Variants in ENPEP observed in about 807,000 individuals in gnomAD.
ENPEP encodes the protein AP-A.
A neutral mutation model predicts 114.5 loss-of-function variants in ENPEP; 103 were observed. The observed-to-expected ratio is 0.90, with a 90% CI of 0.77 to 1.06. ENPEP has a LOEUF of 1.06. Among genes scored for constraint, ENPEP ranks in the 50% least tolerant of loss-of-function variants. The pLI, the probability that ENPEP is intolerant of heterozygous loss-of-function variation, is 0.00. For synonymous variants in ENPEP, 420 were observed against 422.0 expected (o/e 1.00, Z 0.06); for missense variants, 1,196 against 1,161.3 (o/e 1.03, Z -0.43).
At chr4:110,541,655 C>G (rs1000533037) in intron 11 of ENPEP, among the ~76,000 whole-genome samples, 2 of 152,052 alleles carry the variant, frequency 1.3e-5, no homozygotes, top group African/African-American at 4.8e-5. Flanking sequence ...AAACTCTTTT[C>G]CCCTCTCATA....
At position 110,563,921 on chromosome 4, in the gene ENPEP, T is replaced by C. The variant is rs1727752617; in HGVS notation, c.*2363T>C. 6.6e-6 allele frequency: 1 copy of C among 152,144 alleles called. No individual in the cohort carries two copies. Among genetic ancestry groups the C allele is most frequent in the Non-Finnish European group, 1.5e-5 (1 of 68,024 alleles). The allele number at this position is 152,144 out of a possible 1,614,324, so 9.4% of individuals were successfully genotyped here. On this transcript the variant is annotated 3_prime_UTR_variant, in exon 20 of 20. Transcript: ENST00000265162. Reference sequence around the variant, plus strand: ...TGAAGGTAATGATACTCCTACAGCTTACCCTCCAAGTTGGTGAAGTGTTAG... The same window carrying C: ...TGAAGGTAATGATACTCCTACAGCTCACCCTCCAAGTTGGTGAAGTGTTAG...
At chr4:110,543,145 C>A in intron 13 of ENPEP, 75 bp downstream of exon 13, 5 of 1,326,926 alleles carry the variant, frequency 3.8e-6, no homozygotes, top group Non-Finnish European at 3.2e-6. Context: ...ATGAATTAAA[C>A]ATTGCAGTAT....
intron 18 of ENPEP, among the ~76,000 whole-genome samples, chr4:110,555,696 C>G (rs558871062): frequency 6.6e-6 from 1 of 152,002 alleles, no homozygotes; most frequent in South Asian, 2.1e-4. Context: ...TGATTGAAAC[C>G]CTTCAAATAC....
chr4:110,551,567 A>G (rs575056131), intron 17 of ENPEP, among the ~76,000 whole-genome samples: 1 of 152,250 alleles, frequency 6.6e-6, no homozygotes, highest in South Asian at 2.1e-4. Context: ...TGTGATTGAT[A>G]TGTTGTATTT....
At chr4:110,507,990 TTTAATA>T (rs1206036068) in intron 4 of ENPEP, among the ~76,000 whole-genome samples, 1 of 152,108 alleles carries the variant, frequency 6.6e-6, no homozygotes, top group East Asian at 1.9e-4. Context: ...CAGAATAATA[TTTAATA>T]AAATATTGTA....
intron 3 of ENPEP, among the ~76,000 whole-genome samples, chr4:110,503,634 C>T (rs1725249219): frequency 6.6e-6 from 1 of 152,154 alleles, no homozygotes; most frequent in African/African-American, 2.4e-5. Flanking sequence ...GCTTTTTGAG[C>T]TGCCAGAGAT....
intron 10 of ENPEP, among the ~76,000 whole-genome samples, chr4:110,527,473 C>T (rs1726240343): frequency 6.6e-6 from 1 of 152,144 alleles, no homozygotes; most frequent in Non-Finnish European, 1.5e-5. Context: ...CTGAACTCTG[C>T]AGGTAAGTGT....
chr4:110,548,281 C>A lies in ENPEP; in HGVS notation c.2106C>A (p.Ile702=). The A allele has an allele frequency of 1.2e-6, 2 of 1,601,172 alleles. No homozygotes were observed. The highest frequency in any genetic ancestry group is 1.7e-6 in the Non-Finnish European group (2 of 1,173,824). The change falls in exon 14 of 20, where the codon ATC becomes ATA. Residue 702 remains isoleucine, a synonymous_variant. Coordinates refer to ENST00000265162, the MANE Select transcript of ENPEP (RefSeq NM_001977.4). ...WQRVISAVTY[I]ISMFEDDKEL... ...GAGTAATTTCAGCTGTAACCTACAT[C>A]ATTAGCATGTTTGAAGATGATAAAG... is the stretch of plus-strand genomic sequence containing the variant.
chr4:110,494,664 T>C (rs1430751621), intron 3 of ENPEP, among the ~76,000 whole-genome samples: 3 of 152,240 alleles, frequency 2.0e-5, no homozygotes, highest in Non-Finnish European at 2.9e-5. Flanking sequence ...CCATTCATTA[T>C]GTTTAAAATA....
chr4:110,526,426 T>C (rs1256241850), intron 10 of ENPEP, among the ~76,000 whole-genome samples: 1 of 152,232 alleles, frequency 6.6e-6, no homozygotes. Context: ...TATTTTATAG[T>C]AAATGAGGAA....
chr4:110,496,167 G>C (rs1185564284), intron 3 of ENPEP, among the ~76,000 whole-genome samples: 1 of 152,006 alleles, frequency 6.6e-6, no homozygotes, highest in Non-Finnish European at 1.5e-5. Context: ...TCCGTTGTTT[G>C]CCTGGATTAG....
rs17623663 is a variant in ENPEP at position 110,561,561 on chromosome 4, T to C, written c.*3T>C. 5 of 1,605,054 alleles carry C rather than the reference T, an allele frequency of 3.1e-6. No homozygotes were observed. In the African/African-American group the frequency reaches 4.0e-5, roughly 13 times the overall value. Reference sequence around the variant, plus strand: ...TTAATTTACTTGAGAGTGGTTAATGTATTCAAATGTTAGAGTTTAATTTTG... The same window carrying C: ...TTAATTTACTTGAGAGTGGTTAATGCATTCAAATGTTAGAGTTTAATTTTG... On this transcript the variant is annotated 3_prime_UTR_variant, in exon 20 of 20. Coordinates refer to ENST00000265162, the MANE Select transcript of ENPEP (RefSeq NM_001977.4).
chr4:110,487,597 C>T (rs920235125), intron 1 of ENPEP, among the ~76,000 whole-genome samples: 4 of 152,144 alleles, frequency 2.6e-5, no homozygotes, highest in African/African-American at 9.7e-5. Flanking sequence ...ATAATTTAGC[C>T]TGATATTCTT....
In ENPEP at chr4:110,549,832, AAG is replaced by A. The variant is rs1202874651; in HGVS notation, c.2449_2450del (p.Glu817LysfsTer29). The A allele has an allele frequency of 6.2e-7, 1 of 1,613,124 alleles. No homozygotes were observed. Among genetic ancestry groups the A allele is most frequent in the African/African-American group, 1.3e-5 (1 of 74,876 alleles). On this transcript the variant is annotated frameshift_variant, in exon 17 of 20. Coordinates refer to ENST00000265162, the MANE Select transcript of ENPEP (RefSeq NM_001977.4). LOFTEE classifies it high-confidence loss of function. ...CAGAAAACTTCATTAGCTCAAGAAA[AAG>A]AAAAACTGCTGTATGGATTAGCATC...
intron 2 of ENPEP, among the ~76,000 whole-genome samples, chr4:110,489,283 A>G (rs1724613903): frequency 1.3e-5 from 2 of 152,064 alleles, no homozygotes; most frequent in Admixed American, 1.3e-4. Flanking sequence ...GCTGGAAACC[A>G]TCATTCTCAG....
chr4:110,501,994 G>A (rs1026273376), intron 3 of ENPEP, among the ~76,000 whole-genome samples: 4 of 152,164 alleles, frequency 2.6e-5, no homozygotes, highest in Non-Finnish European at 5.9e-5. Flanking sequence ...GGGTGAGATA[G>A]TATCTCATTG....
chr4:110,558,295 AAT>A (rs1727559474), intron 18 of ENPEP, among the ~76,000 whole-genome samples: 7 of 124,908 alleles, frequency 5.6e-5, no homozygotes, highest in East Asian at 4.3e-4. Flanking sequence ...TATATATATA[AAT>A]TTTTTTTTGA....
At chr4:110,530,720 T>G (rs1455354805) in intron 10 of ENPEP, among the ~76,000 whole-genome samples, 2 of 152,150 alleles carry the variant, frequency 1.3e-5, no homozygotes, top group African/African-American at 4.8e-5. Flanking sequence ...TAGGGGATGA[T>G]GGTGGTGGTA....
intron 11 of ENPEP, among the ~76,000 whole-genome samples, chr4:110,541,956 T>C (rs1726865208): frequency 6.6e-6 from 1 of 152,104 alleles, no homozygotes; most frequent in African/African-American, 2.4e-5. Flanking sequence ...AAAACATAAG[T>C]CTCTGCTCCT....
Sources: allele counts gnomAD v4.1 joint callset (sites outside exome capture counted in the v4.1 genomes callset), GRCh38; gene constraint gnomAD v4.1.1; transcripts MANE v1.5; gene names NCBI Gene and HGNC (gene_info 2026-07-23, HGNC 2026-07-21).